SLC15A4: variants seen among roughly 807,000 people sequenced by gnomAD.
SLC15A4 encodes solute carrier family 15 member 4, also known as hPHT1.
SLC15A4 carries 26 observed loss-of-function variants against 46.1 expected under a neutral mutation model. The ratio of observed to expected loss-of-function variants is 0.56; its 90% CI spans 0.41 to 0.78. The LOEUF (loss-of-function observed/expected upper bound fraction) is 0.78, where lower values mean the gene tolerates loss of function less well. Among genes scored for constraint, SLC15A4 ranks in the 30% least tolerant of loss-of-function variants. SLC15A4 has a pLI of 0.00. For missense variants in SLC15A4, 751 were observed against 755.7 expected, an observed-to-expected ratio of 0.99 and a Z score of 0.07; for synonymous variants, 370 against 333.4, an observed-to-expected ratio of 1.11 and a Z score of -1.20.
chr12:128,814,889 C>A lies in SLC15A4; in HGVS notation c.728G>T (p.Gly243Val). The change falls in exon 2 of 8, where the codon GGC becomes GTC. Residue 243 changes from glycine (G) to valine (V), a missense_variant. Gly to Val is a moderately radical substitution (Grantham distance 109). Coordinates refer to ENST00000266771, the MANE Select transcript of SLC15A4 (RefSeq NM_145648.4). ...AGGCTTGGTGATGAAAACGCTCTGG[C>A]CACAGAGGAAGACCACAAAAGCAAG... is the stretch of plus-strand genomic sequence containing the variant. The part of the protein sequence containing the change: ...VGLAFVVFLC[G>V]QSVFITKPPD... 1 of 1,614,122 alleles carries A rather than the reference C, an allele frequency of 6.2e-7. No homozygotes were observed. The highest frequency in any genetic ancestry group is 1.1e-5 in the South Asian group (1 of 91,074).
In SLC15A4 at chr12:128,799,626, T is replaced by G. The variant is rs74364121; in HGVS notation, c.1415-209A>C. 5.1e-3 allele frequency among the ~76,000 whole-genome samples: 772 copies of G among 152,320 alleles called. 8 individuals are homozygous for G. Among genetic ancestry groups the G allele is most frequent in the African/African-American group, 0.018 (735 of 41,572 alleles). ...GGCCAACTGTTCATTCTCCTAGCCA[T>G]TAGGATAATTCCTAATAAATTCAAT... is the stretch of plus-strand genomic sequence containing the variant. On this transcript the variant is annotated intron_variant, in intron 6 of 7. Coordinates refer to ENST00000266771, the MANE Select transcript of SLC15A4 (RefSeq NM_145648.4).
chr12:128,798,870 C>T (rs1955479514), intron 7 of SLC15A4, among the ~76,000 whole-genome samples: 1 of 152,318 alleles, frequency 6.6e-6, no homozygotes, highest in East Asian at 1.9e-4. Context: ...AACGAAAGTA[C>T]ACCACCAAGT....
At position 128,823,518 on chromosome 12, in the gene SLC15A4, C is replaced by G. The variant is rs1236831434; in HGVS notation, c.426G>C (p.Thr142=). ...LCGSARLLNC[T]APGPDAAARC... ...GGGCGGCGGCGTCGGGACCAGGCGC[C>G]GTGCAGTTGAGCAGGCGCGCGGAAC... Residue 142 remains threonine (T), a synonymous_variant, in exon 1 of 8, where the codon ACG becomes ACC. Transcript: ENST00000266771. The G allele has an allele frequency of 1.4e-6, 2 of 1,478,582 alleles. No homozygotes were observed. Among genetic ancestry groups the G allele is most frequent in the Admixed American group, 2.3e-5 (1 of 43,196 alleles). 91.6% of individuals were successfully genotyped at this position (1,478,582 alleles called of 1,614,324 possible). A position where few individuals can be genotyped will look rare whatever the true frequency, so the allele number is the denominator to read the frequency against.
At chr12:128,802,666 G>A (rs145951341) in intron 5 of SLC15A4, among the ~76,000 whole-genome samples, 33 of 152,262 alleles carry the variant, frequency 2.2e-4, no homozygotes, top group African/African-American at 5.8e-4. Flanking sequence ...TACTACTATT[G>A]CTACTGGCAT....
In SLC15A4 at chr12:128,800,811, C is replaced by T. The variant is rs750869271; in HGVS notation, c.1414+43G>A. On this transcript the variant is annotated intron_variant, in intron 6 of 7. Coordinates refer to ENST00000266771, the MANE Select transcript of SLC15A4 (RefSeq NM_145648.4). ...CAGTCAGAATGCCCGAGCGCTCACG[C>T]TTGTGCCTGGACTCAGACACCTCCG... The T allele has an allele frequency of 9.5e-6, 15 of 1,575,562 alleles. No individual in the cohort carries two copies. The South Asian group carries it at 1.7e-4, about 18-fold the overall frequency.
At chr12:128,806,285 G>A (rs1336008945) in intron 5 of SLC15A4, among the ~76,000 whole-genome samples, 1 of 151,508 alleles carries the variant, frequency 6.6e-6, no homozygotes, top group African/African-American at 2.4e-5. Flanking sequence ...ACCCACCTAA[G>A]ATGACAAGTT....
chr12:128,794,039 C>T lies in SLC15A4; in HGVS notation c.*157G>A, dbSNP rs74891185. 1,472 of 741,440 alleles carry T rather than the reference C, an allele frequency of 2.0e-3. 13 individuals carry two copies. The African/African-American group carries it at 0.02, about 10-fold the overall frequency. 45.9% of individuals were successfully genotyped at this position (741,440 alleles called of 1,614,324 possible). On this transcript the variant is annotated 3_prime_UTR_variant, in exon 8 of 8. Transcript: ENST00000266771. ...GCTGCAGTAAGGCACTTACCAAGCT[C>T]CTTTGGATAGAGGGAAAGAAGAAAT...
intron 2 of SLC15A4, chr12:128,814,251 C>CGCTGTATGATGGACCTGACT (rs2135718534): frequency 1.1e-5 from 2 of 189,006 alleles, no homozygotes; most frequent in African/African-American, 2.4e-5. Flanking sequence ...TGGACCTGAC[C>CGCTGTATGATGGACCTGACT]GCTGTATGAT....
At chr12:128,799,112 A>AG in intron 7 of SLC15A4, 147 bp downstream of exon 7, 3 of 798,036 alleles carry the variant, frequency 3.8e-6, no homozygotes, top group Non-Finnish European at 6.1e-6. Context: ...CAAGCAGCAC[A>AG]GAGCAGTGCT....
intron 1 of SLC15A4, chr12:128,815,442 T>G (rs575387411): frequency 3.6e-4 from 70 of 196,672 alleles, no homozygotes; most frequent in African/African-American, 1.7e-3. Context: ...TCCTAGCACT[T>G]TGGGAGGCTG....
chr12:128,823,885 GC>G lies in SLC15A4; in HGVS notation c.58del (p.Ala20ArgfsTer23). Reference protein sequence around the residue: ...ERAPLLGARRAAAAAAAAGAF... With the variant: ...ERAPLLGARRXAAAAAAAGAF... ...CCCAGCCGCCGCCGCGGCCGCCGCC[GC>G]CCGCCGCGCGCCCAGCAGCGGCGCC... On this transcript the variant is annotated frameshift_variant, in exon 1 of 8. Coordinates refer to ENST00000266771, the MANE Select transcript of SLC15A4 (RefSeq NM_145648.4). LOFTEE classifies it high-confidence loss of function. 1 of 949,950 alleles carries G rather than the reference GC, an allele frequency of 1.1e-6. No individual in the cohort carries two copies. Among genetic ancestry groups the G allele is most frequent in the Non-Finnish European group, 1.2e-6 (1 of 800,278 alleles). The allele number at this position is 949,950 out of a possible 1,614,324, so 58.8% of individuals were successfully genotyped here. A position where few individuals can be genotyped will look rare whatever the true frequency, so the allele number is the denominator to read the frequency against.
chr12:128,803,551 G>C (rs1033727298), intron 5 of SLC15A4, among the ~76,000 whole-genome samples: 5 of 152,138 alleles, frequency 3.3e-5, no homozygotes, highest in African/African-American at 9.7e-5. Flanking sequence ...GATGCCACAT[G>C]CGCTACCTTC....
Position 128,809,492 on chromosome 12 carries a change from A to G in SLC15A4, c.1012-19T>C. The G allele has an allele frequency of 6.5e-7, 1 of 1,540,460 alleles. No homozygotes were observed. The highest frequency in any genetic ancestry group is 8.9e-7 in the Non-Finnish European group (1 of 1,120,244). On this transcript the variant is annotated intron_variant, in intron 3 of 7. Coordinates refer to ENST00000266771, the MANE Select transcript of SLC15A4 (RefSeq NM_145648.4). ...TCTGCATCTAGGTATAAAAAACAGT[A>G]TCATTATATGTGGACCAACTGTGCT...
chr12:128,821,093 A>G (rs575087543), intron 1 of SLC15A4, among the ~76,000 whole-genome samples: 6 of 152,226 alleles, frequency 3.9e-5, no homozygotes, highest in African/African-American at 1.4e-4. Context: ...AGCAGTGCAG[A>G]TGCTGGCGCC....
Position 128,823,863 on chromosome 12 carries a change from AGCCGCCGCCGCG to A in SLC15A4, c.69_80del (p.Ala24_Ala27del), listed in dbSNP as rs878946519. ...CCGCGCGCCGGCCCGCGAACGCCCC[AGCCGCCGCCGCG>A]GCCGCCGCCGCCCGCCGCGCGCCCA... is the stretch of plus-strand genomic sequence containing the variant. On this transcript the variant is annotated inframe_deletion, in exon 1 of 8. Coordinates refer to ENST00000266771, the MANE Select transcript of SLC15A4 (RefSeq NM_145648.4). The A allele has an allele frequency of 4.2e-4, 454 of 1,077,652 alleles. 4 individuals are homozygous for A. The South Asian group carries it at 5.8e-3, about 14-fold the overall frequency. The allele number at this position is 1,077,652 out of a possible 1,614,324, so 66.8% of individuals were successfully genotyped here.
chr12:128,799,456 G>A, intron 6 of SLC15A4, 39 bp from the exon 7 acceptor site: 1 of 1,609,546 alleles, frequency 6.2e-7, no homozygotes, highest in Non-Finnish European at 8.5e-7. Flanking sequence ...TGTGAAAGGG[G>A]CACTTTAACA....
At chr12:128,814,105 G>T (rs963541806) in intron 2 of SLC15A4, 2 of 157,344 alleles carry the variant, frequency 1.3e-5, no homozygotes, top group Non-Finnish European at 2.9e-5. Context: ...CTAACACTGG[G>T]TAAGTCCCAT....
At chr12:128,814,149 A>T (rs933987349) in intron 2 of SLC15A4, 2 of 162,068 alleles carry the variant, frequency 1.2e-5, no homozygotes, top group Non-Finnish European at 2.7e-5. Context: ...GCATCTCGCC[A>T]TTCTGCTACT....
intron 1 of SLC15A4, among the ~76,000 whole-genome samples, chr12:128,817,832 C>T (rs1955780010): frequency 2.0e-5 from 3 of 152,180 alleles, no homozygotes; most frequent in Admixed American, 2.0e-4. Flanking sequence ...TGTGAAGGGA[C>T]ATCACATGCT....
Sources: allele counts gnomAD v4.1 joint callset (sites outside exome capture counted in the v4.1 genomes callset), GRCh38; gene constraint gnomAD v4.1.1; transcripts MANE v1.5; gene names NCBI Gene and HGNC (gene_info 2026-07-23, HGNC 2026-07-21).